Variants in RNF185 observed in about 807,000 individuals in gnomAD.
RNF185 encodes ring finger protein 185.
RNF185 carries 13 observed loss-of-function variants against 24.9 expected under a neutral mutation model. That is an observed-to-expected ratio of 0.52 (90% confidence interval 0.34 to 0.83). The LOEUF (loss-of-function observed/expected upper bound fraction) is 0.83, where lower values mean the gene tolerates loss of function less well. Ranked by LOEUF, RNF185 falls within the 40% of genes least tolerant of loss-of-function variation. The pLI is 0.01. For synonymous variants in RNF185, 79 were observed against 90.3 expected (o/e 0.88, Z 0.71); for missense variants, 184 against 244.7 (o/e 0.75, Z 1.65).
chr22:31,193,344 C>T (rs1313989103), intron 3 of RNF185, among the ~76,000 whole-genome samples: 3 of 152,116 alleles, frequency 2.0e-5, no homozygotes, highest in African/African-American at 4.8e-5. Context: ...CTGTCCCCAG[C>T]GGGACCTGGT....
intron 1 of RNF185, among the ~76,000 whole-genome samples, chr22:31,164,161 T>A (rs1469744577): frequency 6.6e-6 from 1 of 150,876 alleles, no homozygotes. Flanking sequence ...TTTGTATTTT[T>A]AGTAGAGGTG....
At chr22:31,168,683 AC>A (rs1328366570) in intron 1 of RNF185, among the ~76,000 whole-genome samples, 1 of 152,090 alleles carries the variant, frequency 6.6e-6, no homozygotes, top group African/African-American at 2.4e-5. Flanking sequence ...ATTCCCACCA[AC>A]AGAGCACAGG....
At chr22:31,200,031 GA>G (rs1459165066) in intron 5 of RNF185, among the ~76,000 whole-genome samples, 2 of 152,060 alleles carry the variant, frequency 1.3e-5, no homozygotes, top group African/African-American at 2.4e-5. Flanking sequence ...CAGGGGAAGA[GA>G]AAAAAATATT....
chr22:31,183,923 C>T (rs1185498602), intron 1 of RNF185, among the ~76,000 whole-genome samples: 6 of 71,168 alleles, frequency 8.4e-5, no homozygotes, highest in East Asian at 8.3e-4. Context: ...GGGTGGCGGC[C>T]GGGCAGAGGG....
rs2048107757 is a variant in RNF185 at position 31,187,155 on chromosome 22, A to G, written c.61A>G (p.Ser21Gly). The stretch of plus-strand genomic sequence containing the variant: ...TGAGAACTCCAGTGCAGGGGGGCCC[A>G]GTGGGAGCAGCAATGGCGCTGGCGA... The part of the protein sequence containing the change: ...SPENSSAGGP[S>G]GSSNGAGESG... The change falls in exon 2 of 7, where the codon AGT becomes GGT. Residue 21 changes from serine to glycine, a missense_variant. Coordinates refer to ENST00000326132, the MANE Select transcript of RNF185 (RefSeq NM_152267.4). 2 of 1,613,760 alleles carry G rather than the reference A, an allele frequency of 1.2e-6. No individual in the cohort carries two copies. The highest frequency in any genetic ancestry group is 2.2e-5 in the South Asian group (2 of 91,076).
intron 1 of RNF185, among the ~76,000 whole-genome samples, chr22:31,169,268 A>G (rs1924133364): frequency 6.6e-6 from 1 of 152,148 alleles, no homozygotes; most frequent in Non-Finnish European, 1.5e-5. Flanking sequence ...TGTATTCAGG[A>G]TATTAATTCC....
intron 1 of RNF185, among the ~76,000 whole-genome samples, chr22:31,185,739 G>A (rs2048092421): frequency 6.6e-6 from 1 of 152,226 alleles, no homozygotes; most frequent in Admixed American, 6.5e-5. Context: ...CTGACAGATT[G>A]TTAATGTGCA....
Position 31,195,525 on chromosome 22 carries a change from C to T in RNF185, c.252C>T (p.Ser84=), listed in dbSNP as rs146568570. The T allele has an allele frequency of 6.2e-7, 1 of 1,611,492 alleles. No homozygotes were observed. The highest frequency in any genetic ancestry group is 1.3e-5 in the African/African-American group (1 of 74,956). ...GTCCTGTTTGCAAAGCTGGCATCAGCCGAGACAAGGTCATCCCCCTCTATG... is the reference window on the plus strand; with the variant it reads ...GTCCTGTTTGCAAAGCTGGCATCAGTCGAGACAAGGTCATCCCCCTCTATG... ...QVCPVCKAGI[S]RDKVIPLYGR... Residue 84 remains serine, a synonymous_variant, in exon 4 of 7, where the codon AGC becomes AGT. Coordinates refer to ENST00000326132, the MANE Select transcript of RNF185 (RefSeq NM_152267.4).
intron 6 of RNF185, among the ~76,000 whole-genome samples, chr22:31,202,219 G>C (rs2048270015): frequency 6.6e-6 from 1 of 152,088 alleles, no homozygotes; most frequent in Non-Finnish European, 1.5e-5. Context: ...ATTCGGTATA[G>C]AGCCCTTGCT....
intron 6 of RNF185, among the ~76,000 whole-genome samples, chr22:31,203,762 G>A (rs762689627): frequency 3.9e-5 from 6 of 152,100 alleles, no homozygotes; most frequent in Non-Finnish European, 7.3e-5. Flanking sequence ...TTGGCTGGGC[G>A]CGATGGCTCA....
intron 1 of RNF185, among the ~76,000 whole-genome samples, chr22:31,172,748 C>CAAA (rs35573590): frequency 5.8e-4 from 56 of 97,256 alleles, no homozygotes; most frequent in Non-Finnish European, 6.5e-4. Context: ...GACCCCGTCT[C>CAAA]AAAAAAAAAA....
intron 2 of RNF185, among the ~76,000 whole-genome samples, chr22:31,190,418 C>A (rs1363273864): frequency 6.6e-6 from 1 of 152,068 alleles, no homozygotes; most frequent in Admixed American, 6.6e-5. Flanking sequence ...TCCCGAGAAG[C>A]TGGGATTACA....
chr22:31,174,940 G>A (rs1386577284), intron 1 of RNF185, among the ~76,000 whole-genome samples: 1 of 151,964 alleles, frequency 6.6e-6, no homozygotes, highest in Non-Finnish European at 1.5e-5. Context: ...GGGTGTGGTG[G>A]CGGGTGCCTG....
chr22:31,165,690 G>A (rs1258995029), intron 1 of RNF185, among the ~76,000 whole-genome samples: 1 of 152,250 alleles, frequency 6.6e-6, no homozygotes, highest in Non-Finnish European at 1.5e-5. Flanking sequence ...CCATGGGCAA[G>A]TGAAAGGAAG....
chr22:31,182,453 A>G (rs931086681), intron 1 of RNF185, among the ~76,000 whole-genome samples: 1 of 151,862 alleles, frequency 6.6e-6, no homozygotes, highest in Non-Finnish European at 1.5e-5. Flanking sequence ...ACACCCAGCT[A>G]ATTTTTGTTT....
intron 5 of RNF185, among the ~76,000 whole-genome samples, chr22:31,200,912 G>A (rs908898438): frequency 1.3e-5 from 2 of 152,216 alleles, no homozygotes; most frequent in African/African-American, 4.8e-5. Context: ...TTGTCATGTA[G>A]TTGTGACCAC....
chr22:31,192,594 C>A, intron 2 of RNF185, 90 bp from the exon 3 acceptor site: 1 of 1,063,730 alleles, frequency 9.4e-7, no homozygotes, highest in African/African-American at 1.6e-5. Context: ...CCACTCCACC[C>A]ATCAAGTGTT....
At chr22:31,180,909 CTCTCTCTGTGTGTGTGTGTG>C (rs1170285451) in intron 1 of RNF185, among the ~76,000 whole-genome samples, 5 of 128,754 alleles carry the variant, frequency 3.9e-5, no homozygotes, top group South Asian at 2.5e-4. Flanking sequence ...CATTTTCTCT[CTCTCTCTGTGTGTGTGTGTG>C]TGTGTGTGTG....
At chr22:31,201,638 A>T in intron 6 of RNF185, 23 bp downstream of exon 6, 2 of 1,515,126 alleles carry the variant, frequency 1.3e-6, no homozygotes, top group Non-Finnish European at 1.8e-6. Flanking sequence ...TTCCTTGAGA[A>T]ATTAGGAAGA....
Sources: gnomAD v4.1 joint callset for allele counts (sites outside exome capture counted in the v4.1 genomes callset) on GRCh38, gnomAD v4.1.1 for gene constraint, MANE v1.5 for transcripts, NCBI Gene and HGNC (gene_info 2026-07-23, HGNC 2026-07-21) for gene names.